RUBCN: variants seen among roughly 807,000 people sequenced by gnomAD.
The protein encoded by RUBCN is rubicon autophagy regulator.
A neutral mutation model predicts 113.2 loss-of-function variants in RUBCN; 74 were observed. The observed-to-expected ratio is 0.65, with a 90% CI of 0.54 to 0.79. RUBCN has a LOEUF of 0.79. Among genes scored for constraint, RUBCN ranks in the 30% least tolerant of loss-of-function variants. RUBCN has a pLI of 0.00. For missense variants in RUBCN, 1,109 were observed against 1,251.7 expected (o/e 0.89, Z 1.72); for synonymous variants, 480 against 490.0 (o/e 0.98, Z 0.27).
chr3:197,670,181 G>A lies in RUBCN; in HGVS notation c.*4837C>T, dbSNP rs1719650978. ...GGATTACAGGCGTGAGCCACTGTGT[G>A]CGGCTCACTATCATAATTTTTATAA... On this transcript the variant is annotated 3_prime_UTR_variant, in exon 20 of 20. Transcript: ENST00000296343. Among the ~76,000 whole-genome samples the A allele has an allele frequency of 6.6e-6, 1 of 152,216 alleles. No homozygotes were observed. Among genetic ancestry groups the A allele is most frequent in the African/African-American group, 2.4e-5 (1 of 41,452 alleles).
intron 1 of RUBCN, among the ~76,000 whole-genome samples, chr3:197,746,951 G>T (rs1728772307): frequency 6.6e-6 from 1 of 151,538 alleles, no homozygotes; most frequent in Non-Finnish European, 1.5e-5. Context: ...AATCCCCAGG[G>T]CCTATTACAG....
intron 1 of RUBCN, among the ~76,000 whole-genome samples, chr3:197,742,584 C>A (rs577594534): frequency 6.6e-6 from 1 of 152,354 alleles, no homozygotes; most frequent in Non-Finnish European, 1.5e-5. Context: ...GCAACTCTCG[C>A]TGAGTAAAGC....
rs1051243815 is a variant in RUBCN at position 197,669,092 on chromosome 3, T to A, written c.*5926A>T. On this transcript the variant is annotated 3_prime_UTR_variant, in exon 20 of 20. Coordinates refer to ENST00000296343, the MANE Select transcript of RUBCN (RefSeq NM_014687.4). Reference sequence around the variant, plus strand: ...CTTCTTAATCTGGAATAATTTTAGATCCACAGTAAAGTTGCAAAGATAGTA... The same window carrying A: ...CTTCTTAATCTGGAATAATTTTAGAACCACAGTAAAGTTGCAAAGATAGTA... Among the ~76,000 whole-genome samples, 2 of 152,186 alleles carry A rather than the reference T, an allele frequency of 1.3e-5. No homozygotes were observed. The highest frequency in any genetic ancestry group is 4.8e-5 in the African/African-American group (2 of 41,450).
chr3:197,704,691 A>C lies in RUBCN; in HGVS notation c.314T>G (p.Val105Gly), dbSNP rs774485448. Reference protein sequence around the residue: ...SALHVEKFISVHENDQSSADG... With the variant: ...SALHVEKFISGHENDQSSADG... ...AGCACTGCTCTGGTCGTTCTCGTGC[A>C]CGCTGATGAACTGGGAAGCAAAGGG... Residue 105 changes from valine (V) to glycine (G), a missense_variant, in exon 4 of 20, where the codon GTG becomes GGG. Val to Gly is a moderately radical substitution (Grantham distance 109). Coordinates refer to ENST00000296343, the MANE Select transcript of RUBCN (RefSeq NM_014687.4). 1.9e-6 allele frequency: 3 copies of C among 1,613,794 alleles called. No homozygotes were observed. The African/African-American group carries it at 4.0e-5, about 22-fold the overall frequency.
At chr3:197,709,531 C>G (rs958552601) in intron 2 of RUBCN, among the ~76,000 whole-genome samples, 2 of 152,176 alleles carry the variant, frequency 1.3e-5, no homozygotes, top group African/African-American at 4.8e-5. Flanking sequence ...CAGGCTTGCG[C>G]CACCATGCCC....
rs1719610873 is a variant in RUBCN at position 197,669,774 on chromosome 3, T to G, written c.*5244A>C. ...GAATTCTTCTGTGAGAATTTATTTA[T>G]TTGGTCATTTATTTATGTATGTATG... is the stretch of plus-strand genomic sequence containing the variant. On this transcript the variant is annotated 3_prime_UTR_variant, in exon 20 of 20. Transcript: ENST00000296343. 6.6e-6 allele frequency among the ~76,000 whole-genome samples: 1 copy of G among 152,254 alleles called. No individual in the cohort carries two copies. Among genetic ancestry groups the G allele is most frequent in the South Asian group, 2.1e-4 (1 of 4,832 alleles).
intron 7 of RUBCN, among the ~76,000 whole-genome samples, chr3:197,699,794 G>A (rs1339256916): frequency 2.0e-5 from 3 of 152,022 alleles, no homozygotes; most frequent in East Asian, 1.9e-4. Context: ...TAAAGAAACC[G>A]CCCCCTCTTT....
At position 197,703,538 on chromosome 3, in the gene RUBCN, T is replaced by A. The variant is rs1723939811; in HGVS notation, c.570+10A>T. 2 of 1,585,770 alleles carry A rather than the reference T, an allele frequency of 1.3e-6. No homozygotes were observed. The highest frequency in any genetic ancestry group is 1.7e-6 in the Non-Finnish European group (2 of 1,155,002). On this transcript the variant is annotated intron_variant, in intron 5 of 19. Coordinates refer to ENST00000296343, the MANE Select transcript of RUBCN (RefSeq NM_014687.4). ...CAGCATAGACGTGGATAATTCCTTG[T>A]CCCCTGTACCATGGACGCATCGATC... is the stretch of plus-strand genomic sequence containing the variant.
chr3:197,749,524 G>T, exon 1 of RUBCN: 1 of 1,290,432 alleles, frequency 7.7e-7, no homozygotes, highest in Non-Finnish European at 1.0e-6. Flanking sequence ...GGTCTGTCCT[G>T]CCTCCCGAGG....
intron 2 of RUBCN, among the ~76,000 whole-genome samples, chr3:197,706,532 AAGTT>A (rs1421597994): frequency 6.6e-6 from 1 of 151,722 alleles, no homozygotes; most frequent in Non-Finnish European, 1.5e-5. Flanking sequence ...AAAATCCAAA[AAGTT>A]AGCCAGGTGT....
At chr3:197,717,691 G>A (rs746472958) in intron 2 of RUBCN, among the ~76,000 whole-genome samples, 12 of 152,178 alleles carry the variant, frequency 7.9e-5, no homozygotes, top group Non-Finnish European at 1.3e-4. Context: ...GTTGTTTTAA[G>A]CCATTTAGTT....
rs540726071 is a variant in RUBCN at position 197,679,799 on chromosome 3, C to T, written c.2430+1330G>A. Among the ~76,000 whole-genome samples, 311 of 146,570 alleles carry T rather than the reference C, an allele frequency of 2.1e-3. 1 individual carries two copies. Among genetic ancestry groups the T allele is most frequent in the African/African-American group, 7.5e-3 (289 of 38,728 alleles). ...GGCTTCAGACTGTCCTACGCTCTAA[C>T]TGACAACTGGCTCCAGACTGTCCTA... On this transcript the variant is annotated intron_variant, in intron 16 of 19. Transcript: ENST00000296343.
intron 11 of RUBCN, among the ~76,000 whole-genome samples, chr3:197,692,401 T>G (rs1722521766): frequency 6.6e-6 from 1 of 151,702 alleles, no homozygotes; most frequent in South Asian, 2.1e-4. Flanking sequence ...CTTTCCCAAG[T>G]TCTGGGCATC....
Position 197,672,615 on chromosome 3 carries a change from C to T in RUBCN, c.*2403G>A, listed in dbSNP as rs1719897879. The T allele has an allele frequency of 6.6e-6, 1 of 152,248 alleles. No individual in the cohort carries two copies. Among genetic ancestry groups the T allele is most frequent in the Non-Finnish European group, 1.5e-5 (1 of 68,048 alleles). 9.4% of individuals were successfully genotyped at this position (152,248 alleles called of 1,614,324 possible). On this transcript the variant is annotated 3_prime_UTR_variant, in exon 20 of 20. Transcript: ENST00000296343. ...CTGTCAGCATTGTCATCCTTTGATC[C>T]TATGCTGATGTGAAACAGGCAGGAC...
chr3:197,749,582 G>A (rs1458158278), exon 1 of RUBCN: 4 of 1,278,042 alleles, frequency 3.1e-6, no homozygotes, highest in African/African-American at 1.5e-5. Flanking sequence ...AAGTATAGGG[G>A]ACCTGTCTGC....
Position 197,674,571 on chromosome 3 carries a change from C to T in RUBCN, c.*447G>A, listed in dbSNP as rs150407249. 3 of 507,486 alleles carry T rather than the reference C, an allele frequency of 5.9e-6. No homozygotes were observed. The highest frequency in any genetic ancestry group is 6.3e-5 in the East Asian group (1 of 15,820). 31.4% of individuals were successfully genotyped at this position (507,486 alleles called of 1,614,324 possible). A position where few individuals can be genotyped will look rare whatever the true frequency, so the allele number is the denominator to read the frequency against. On this transcript the variant is annotated 3_prime_UTR_variant, in exon 20 of 20. Coordinates refer to ENST00000296343, the MANE Select transcript of RUBCN (RefSeq NM_014687.4). The stretch of plus-strand genomic sequence containing the variant: ...CAGTCCAGGACAGGGAGAGGGAAAA[C>T]GCCATCCCCGTTTCAGCAGCAGGAG...
At chr3:197,685,530 TAA>T (rs1461471040) in intron 11 of RUBCN, among the ~76,000 whole-genome samples, 1 of 152,210 alleles carries the variant, frequency 6.6e-6, no homozygotes, top group Non-Finnish European at 1.5e-5. Context: ...CCCTTGGCTC[TAA>T]AATACTTAAC....
chr3:197,730,593 GAA>G (rs1350570496), intron 1 of RUBCN, among the ~76,000 whole-genome samples: 2 of 147,828 alleles, frequency 1.4e-5, no homozygotes, highest in African/African-American at 5.1e-5. Context: ...TTTTGAGAGA[GAA>G]AGTGGGACCA....
At chr3:197,708,334 C>T (rs1327308447) in intron 2 of RUBCN, among the ~76,000 whole-genome samples, 1 of 151,854 alleles carries the variant, frequency 6.6e-6, no homozygotes, top group Non-Finnish European at 1.5e-5. Flanking sequence ...TGGGGTTTCA[C>T]CATGTTGGCC....
Sources: allele counts gnomAD v4.1 joint callset (sites outside exome capture counted in the v4.1 genomes callset), GRCh38; gene constraint gnomAD v4.1.1; transcripts MANE v1.5; gene names NCBI Gene and HGNC (gene_info 2026-07-23, HGNC 2026-07-21).